ERC2: variants seen among roughly 807,000 people sequenced by gnomAD.
ERC2 encodes ERC protein 2.
In ERC2, 42 loss-of-function variants were observed where a neutral mutation model predicts 114.8. The ratio of observed to expected loss-of-function variants is 0.37; its 90% CI spans 0.29 to 0.47. The LOEUF (loss-of-function observed/expected upper bound fraction) is 0.47, where lower values mean the gene tolerates loss of function less well. ERC2 is among the 20% of genes least tolerant of loss of function. ERC2 has a pLI of 0.99. For synonymous variants in ERC2, 454 were observed against 425.5 expected, an observed-to-expected ratio of 1.07 and a Z score of -0.82; for missense variants, 939 against 1,150.7, an observed-to-expected ratio of 0.82 and a Z score of 2.66.
At chr3:55,931,601 G>A (rs144494774) in intron 13 of ERC2, among the ~76,000 whole-genome samples, 290 of 152,200 alleles carry the variant, frequency 1.9e-3, no homozygotes, top group Non-Finnish European at 2.5e-3. Context: ...GGGGCCTGTC[G>A]GGGTGTGGGG....
intron 5 of ERC2, among the ~76,000 whole-genome samples, chr3:56,141,132 C>T (rs570529140): frequency 6.6e-6 from 1 of 152,324 alleles, no homozygotes; most frequent in Non-Finnish European, 1.5e-5. Context: ...TAACTTATGT[C>T]ACTGGTCTTT....
chr3:55,609,773 C>T lies in ERC2; in HGVS notation c.*39+74021G>A, dbSNP rs2058808180. Among the ~76,000 whole-genome samples the T allele has an allele frequency of 2.6e-5, 4 of 152,028 alleles. No homozygotes were observed. In the South Asian group the frequency reaches 6.2e-4, roughly 24 times the overall value. On this transcript the variant is annotated intron_variant, in intron 17 of 17. Coordinates refer to ENST00000288221, the MANE Select transcript of ERC2 (RefSeq NM_015576.3). ...ACCATTTTATGGGCAGGAGGAAGCA[C>T]TTTAATCTGCAAAATGATTTTTATC...
chr3:55,512,500 G>A (rs2107132836), intron 17 of ERC2, among the ~76,000 whole-genome samples: 1 of 152,280 alleles, frequency 6.6e-6, no homozygotes, highest in East Asian at 1.9e-4. Context: ...TGTGCATTAA[G>A]CATTTCTTAA....
chr3:55,741,136 C>T (rs1239817110), intron 14 of ERC2, among the ~76,000 whole-genome samples: 1 of 152,066 alleles, frequency 6.6e-6, no homozygotes, highest in African/African-American at 2.4e-5. Context: ...GATGGGTATA[C>T]TGAATATAAT....
intron 7 of ERC2, among the ~76,000 whole-genome samples, chr3:56,078,986 A>G (rs1027647571): frequency 2.6e-5 from 4 of 151,996 alleles, no homozygotes; most frequent in Non-Finnish European, 5.9e-5. Context: ...TGGTCATGCA[A>G]TTTTATGCAG....
chr3:55,819,707 T>A (rs2060043277), intron 14 of ERC2, among the ~76,000 whole-genome samples: 1 of 152,166 alleles, frequency 6.6e-6, no homozygotes, highest in African/African-American at 2.4e-5. Context: ...TAGACAATGA[T>A]GATATTAGGA....
At chr3:55,856,352 G>T (rs1208500886) in intron 14 of ERC2, among the ~76,000 whole-genome samples, 1 of 152,140 alleles carries the variant, frequency 6.6e-6, no homozygotes, top group Non-Finnish European at 1.5e-5. Flanking sequence ...CTATAGATCA[G>T]GAAGAATTTT....
intron 2 of ERC2, among the ~76,000 whole-genome samples, chr3:56,346,907 C>G (rs2058332394): frequency 6.6e-6 from 1 of 152,126 alleles, no homozygotes; most frequent in African/African-American, 2.4e-5. Context: ...GCCACAAACC[C>G]TTTTATAATC....
intron 17 of ERC2, among the ~76,000 whole-genome samples, chr3:55,673,804 GTTTT>G (rs10575865): frequency 6.2e-5 from 7 of 113,772 alleles, no homozygotes; most frequent in Non-Finnish European, 5.6e-5. Context: ...TAATTACCAA[GTTTT>G]TTTTTTTTTT....
chr3:56,378,314 T>C (rs6801008), intron 2 of ERC2, among the ~76,000 whole-genome samples: 40,368 of 139,176 alleles, frequency 0.29, 5,922 homozygotes, highest in Non-Finnish European at 0.31. Flanking sequence ...AGTAAACTAT[T>C]GCAAGAATAA....
At chr3:55,545,910 T>C (rs1396680292) in intron 17 of ERC2, among the ~76,000 whole-genome samples, 1 of 152,060 alleles carries the variant, frequency 6.6e-6, no homozygotes, top group Non-Finnish European at 1.5e-5. Context: ...CATTTGGAGG[T>C]CTTGGGTCCC....
rs76345571 is a variant in ERC2 at position 55,911,158 on chromosome 3, A to C, written c.2404-22609T>G. 4.1e-3 allele frequency among the ~76,000 whole-genome samples: 629 copies of C among 152,326 alleles called. 3 individuals carry two copies. Among genetic ancestry groups the C allele is most frequent in the African/African-American group, 0.015 (605 of 41,566 alleles). ...GATGATGTAACTTAACAGGTCTAAC[A>C]AAACCTCAAATTTACAAATTTAAAA... is the stretch of plus-strand genomic sequence containing the variant. On this transcript the variant is annotated intron_variant, in intron 13 of 17. Transcript: ENST00000288221.
At chr3:56,395,922 A>G (rs1399134149) in intron 2 of ERC2, among the ~76,000 whole-genome samples, 1 of 152,192 alleles carries the variant, frequency 6.6e-6, no homozygotes, top group African/African-American at 2.4e-5. Flanking sequence ...CTCCCTTTTT[A>G]CGTGAACAGA....
At chr3:56,122,770 C>T (rs926972918) in intron 6 of ERC2, among the ~76,000 whole-genome samples, 5 of 152,106 alleles carry the variant, frequency 3.3e-5, no homozygotes, top group African/African-American at 9.7e-5. Flanking sequence ...CCCGAATGCC[C>T]GTAAGTCTTA....
At chr3:55,560,967 A>C (rs1157094673) in intron 17 of ERC2, among the ~76,000 whole-genome samples, 3 of 152,110 alleles carry the variant, frequency 2.0e-5, no homozygotes, top group Non-Finnish European at 4.4e-5. Flanking sequence ...CTCTTCTCCC[A>C]ACAAGACTCG....
At chr3:56,163,033 T>C (rs1467089577) in intron 4 of ERC2, among the ~76,000 whole-genome samples, 1 of 152,162 alleles carries the variant, frequency 6.6e-6, no homozygotes, top group East Asian at 1.9e-4. Context: ...AACACTGCTT[T>C]TGCTCTGTCC....
intron 13 of ERC2, among the ~76,000 whole-genome samples, chr3:55,909,335 CA>C (rs2064662542): frequency 6.6e-6 from 1 of 152,118 alleles, no homozygotes; most frequent in African/African-American, 2.4e-5. Flanking sequence ...AGAAGGTGGC[CA>C]AAAGTTTGAG....
At chr3:55,624,298 T>C (rs776592071) in intron 17 of ERC2, among the ~76,000 whole-genome samples, 10 of 152,128 alleles carry the variant, frequency 6.6e-5, no homozygotes, top group Non-Finnish European at 1.3e-4. Flanking sequence ...GGGGGGCCCA[T>C]GCGGGAGGAA....
chr3:55,627,241 G>A (rs1401707206), intron 17 of ERC2, among the ~76,000 whole-genome samples: 1 of 152,184 alleles, frequency 6.6e-6, no homozygotes, highest in Non-Finnish European at 1.5e-5. Context: ...GCCAAGGCGG[G>A]CAGATCACCT....
Sources: gnomAD v4.1 joint callset for allele counts (sites outside exome capture counted in the v4.1 genomes callset) on GRCh38, gnomAD v4.1.1 for gene constraint, MANE v1.5 for transcripts, NCBI Gene and HGNC (gene_info 2026-07-23, HGNC 2026-07-21) for gene names.